The following KIAA0930 variants were observed in gnomAD, a reference collection of about 807,000 sequenced individuals.
The protein encoded by KIAA0930 is uncharacterized protein KIAA0930.
KIAA0930 carries 24 observed loss-of-function variants against 43.9 expected under a neutral mutation model. The observed-to-expected ratio is 0.55, with a 90% CI of 0.40 to 0.77. The LOEUF is 0.77. Among genes scored for constraint, KIAA0930 ranks in the 30% least tolerant of loss-of-function variants. The pLI, the probability that KIAA0930 is intolerant of heterozygous loss-of-function variation, is 0.00. For synonymous variants in KIAA0930, 259 were observed against 216.4 expected, an observed-to-expected ratio of 1.20 and a Z score of -1.73; for missense variants, 461 against 574.2, an observed-to-expected ratio of 0.80 and a Z score of 2.02.
rs1167952031 is a variant in KIAA0930, at chr22:45,192,735, T to G, written c.*4441A>C. On this transcript the variant is annotated 3_prime_UTR_variant, in exon 10 of 10. Coordinates refer to ENST00000336156, the MANE Select transcript of KIAA0930 (RefSeq NM_001009880.2). Reference sequence around the variant, plus strand: ...AACGGAATAAAAACGCCTACTCGCCTTAGGCAGGATAAGAAGTTGTAAACT... The same window carrying G: ...AACGGAATAAAAACGCCTACTCGCCGTAGGCAGGATAAGAAGTTGTAAACT... 1 of 152,232 alleles carries G rather than the reference T, an allele frequency of 6.6e-6. No homozygotes were observed. The highest frequency in any genetic ancestry group is 1.5e-5 in the Non-Finnish European group (1 of 68,052). 9.4% of individuals were successfully genotyped at this position (152,232 alleles called of 1,614,324 possible).
Position 45,205,820 on chromosome 22 carries a change from G to A in KIAA0930, c.309C>T (p.Ser103=), listed in dbSNP as rs370208155. Residue 103 remains serine (S), a synonymous_variant, in exon 3 of 10, where the codon AGC becomes AGT. Coordinates refer to ENST00000336156, the MANE Select transcript of KIAA0930 (RefSeq NM_001009880.2). ...LGDPDIDWEE[S]VCLNLILQKL... The stretch of plus-strand genomic sequence containing the variant: ...TCTGCAGGATGAGATTCAGGCAGAC[G>A]CTCTCCTCCCAGTCGATGTCAGGGT... 2.1e-5 allele frequency: 29 copies of A among 1,413,856 alleles called. No individual in the cohort carries two copies. Among genetic ancestry groups the A allele is most frequent in the Admixed American group, 1.2e-4 (6 of 51,200 alleles). 87.6% of individuals were successfully genotyped at this position (1,413,856 alleles called of 1,614,324 possible). A position where few individuals can be genotyped will look rare whatever the true frequency, so the allele number is the denominator to read the frequency against.
In KIAA0930 at chr22:45,195,264, T is replaced by G. The variant is rs1266156689; in HGVS notation, c.*1912A>C. 6.6e-6 allele frequency: 1 copy of G among 152,222 alleles called. No individual in the cohort carries two copies. Among genetic ancestry groups the G allele is most frequent in the Non-Finnish European group, 1.5e-5 (1 of 68,034 alleles). The allele number at this position is 152,222 out of a possible 1,614,324, so 9.4% of individuals were successfully genotyped here. A position where few individuals can be genotyped will look rare whatever the true frequency, so the allele number is the denominator to read the frequency against. ...ACAACCTTCTCCCGCCCCTCACCTCTGAGAACAGAGGGCGGGCCGCTGTGC... is the reference window on the plus strand; with the variant it reads ...ACAACCTTCTCCCGCCCCTCACCTCGGAGAACAGAGGGCGGGCCGCTGTGC... On this transcript the variant is annotated 3_prime_UTR_variant, in exon 10 of 10. Transcript: ENST00000336156.
In KIAA0930 at chr22:45,193,451, C is replaced by G. The variant is rs773809790; in HGVS notation, c.*3725G>C. 3.3e-5 allele frequency: 5 copies of G among 152,044 alleles called. No individual in the cohort carries two copies. Among genetic ancestry groups the G allele is most frequent in the Non-Finnish European group, 7.4e-5 (5 of 68,016 alleles). The allele number at this position is 152,044 out of a possible 1,614,324, so 9.4% of individuals were successfully genotyped here. A position where few individuals can be genotyped will look rare whatever the true frequency, so the allele number is the denominator to read the frequency against. Reference sequence around the variant, plus strand: ...TGAAAAAAAAAAGTTTTACTTTGTTCTTCAAAAGTCTTCTACTAACTAGTC... The same window carrying G: ...TGAAAAAAAAAAGTTTTACTTTGTTGTTCAAAAGTCTTCTACTAACTAGTC... On this transcript the variant is annotated 3_prime_UTR_variant, in exon 10 of 10. Transcript: ENST00000336156.
chr22:45,223,697 C>G (rs116909693), intron 1 of KIAA0930, among the ~76,000 whole-genome samples: 1,821 of 150,792 alleles, frequency 0.012, 46 homozygotes, highest in South Asian at 0.082. Context: ...CCAGGGTCAG[C>G]ACTAAGCTAG....
intron 1 of KIAA0930, among the ~76,000 whole-genome samples, chr22:45,239,394 C>A (rs2147771154): frequency 6.6e-6 from 1 of 152,330 alleles, no homozygotes; most frequent in African/African-American, 2.4e-5. Flanking sequence ...ACCATTGAAA[C>A]CTTGTCAACC....
chr22:45,226,382 T>A (rs1203946835), intron 1 of KIAA0930: 1 of 468,902 alleles, frequency 2.1e-6, no homozygotes, highest in African/African-American at 2.0e-5. Flanking sequence ...CTGCATGAGG[T>A]CCTAGGGGAC....
chr22:45,202,137 G>A lies in KIAA0930; in HGVS notation c.852+853C>T, dbSNP rs190580209. Among the ~76,000 whole-genome samples, 53 of 152,360 alleles carry A rather than the reference G, an allele frequency of 3.5e-4. 1 individual carries two copies. In the East Asian group the frequency reaches 9.1e-3, roughly 26 times the overall value. On this transcript the variant is annotated intron_variant, in intron 7 of 9. Transcript: ENST00000336156. ...GTGGCGTCTCTCCTGGACAATGGCT[G>A]GGCAAGACTGCCCCTGGACCTGTGC... is the stretch of plus-strand genomic sequence containing the variant.
At chr22:45,225,147 A>G (rs971228230) in intron 1 of KIAA0930, among the ~76,000 whole-genome samples, 1 of 152,106 alleles carries the variant, frequency 6.6e-6, no homozygotes, top group Non-Finnish European at 1.5e-5. Context: ...GCACCCAGGC[A>G]GCCAGGGCTG....
At position 45,215,472 on chromosome 22, in the gene KIAA0930, CGT is replaced by C. The variant is rs775314090; in HGVS notation, c.65-3367_65-3366del. Among the ~76,000 whole-genome samples, 28 of 152,254 alleles carry C rather than the reference CGT, an allele frequency of 1.8e-4. No individual in the cohort carries two copies. In the Middle Eastern group the frequency reaches 0.014, roughly 74 times the overall value. On this transcript the variant is annotated intron_variant, in intron 1 of 9. Coordinates refer to ENST00000336156, the MANE Select transcript of KIAA0930 (RefSeq NM_001009880.2). Reference sequence around the variant, plus strand: ...AAAGGCCTTCTGCACAAAAACATTTCGTGTGTTACTCATGAGAAAAAATAATA... The same window carrying C: ...AAAGGCCTTCTGCACAAAAACATTTCGTGTTACTCATGAGAAAAAATAATA...
chr22:45,211,315 G>A, intron 2 of KIAA0930: 1 of 398,596 alleles, frequency 2.5e-6, no homozygotes, highest in Non-Finnish European at 4.4e-6. Context: ...GCAAAAGCTT[G>A]TGAAAAACAG....
At chr22:45,238,249 T>C (rs940815409) in intron 1 of KIAA0930, among the ~76,000 whole-genome samples, 4 of 152,170 alleles carry the variant, frequency 2.6e-5, no homozygotes, top group Non-Finnish European at 5.9e-5. Context: ...TCTAAGAAGC[T>C]AAGATTCCCA....
chr22:45,214,205 C>T (rs900670225), intron 1 of KIAA0930, among the ~76,000 whole-genome samples: 2 of 152,074 alleles, frequency 1.3e-5, no homozygotes, highest in Non-Finnish European at 2.9e-5. Context: ...CAAAACAGCC[C>T]TTAAGAAAAC....
At chr22:45,200,549 C>T (rs1214430479) in intron 7 of KIAA0930, among the ~76,000 whole-genome samples, 1 of 152,224 alleles carries the variant, frequency 6.6e-6, no homozygotes, top group African/African-American at 2.4e-5. Context: ...CCACGCTCCT[C>T]ATCCTACTTC....
intron 1 of KIAA0930, among the ~76,000 whole-genome samples, chr22:45,228,779 C>G (rs1209822397): frequency 1.2e-5 from 1 of 84,524 alleles, no homozygotes; most frequent in African/African-American, 6.2e-5. Context: ...CCCCATCCCC[C>G]CCAACCACCA....
chr22:45,203,207 C>T (rs761743686), intron 6 of KIAA0930, 23 bp from the exon 7 acceptor site: 3 of 1,569,348 alleles, frequency 1.9e-6, no homozygotes, highest in Non-Finnish European at 2.6e-6. Context: ...GCGGGGCAGC[C>T]TGAGTCAGGG....
At chr22:45,211,803 A>T (rs1460751199) in intron 2 of KIAA0930, among the ~76,000 whole-genome samples, 153 bp downstream of exon 2, 1 of 152,170 alleles carries the variant, frequency 6.6e-6, no homozygotes, top group Non-Finnish European at 1.5e-5. Context: ...GACTGTCTAC[A>T]CAGTTCCTGG....
chr22:45,214,864 G>A (rs1363609549), intron 1 of KIAA0930, among the ~76,000 whole-genome samples: 1 of 152,132 alleles, frequency 6.6e-6, no homozygotes, highest in African/African-American at 2.4e-5. Context: ...AGCTATGATC[G>A]AACCACTGCA....
Position 45,203,063 on chromosome 22 carries a change from C to T in KIAA0930, c.779G>A (p.Arg260Gln), listed in dbSNP as rs756151601. ...GGGGGATGTGTCACCTGTAGACACT[C>T]GGCTGACCGCCATCTCGGCGTGGCC... ...GKGHAEMAVS[R>Q]VSTGDTSPCG... The change falls in exon 7 of 10, where the codon CGA becomes CAA. Residue 260 changes from arginine (R) to glutamine (Q), a missense_variant. By Grantham distance (43) the Arg-to-Gln change is conservative. Coordinates refer to ENST00000336156, the MANE Select transcript of KIAA0930 (RefSeq NM_001009880.2). 27 of 1,613,676 alleles carry T rather than the reference C, an allele frequency of 1.7e-5. No homozygotes were observed. The highest frequency in any genetic ancestry group is 7.7e-5 in the South Asian group (7 of 91,044).
chr22:45,198,230 G>A (rs1229416961), intron 8 of KIAA0930, among the ~76,000 whole-genome samples: 1 of 152,210 alleles, frequency 6.6e-6, no homozygotes, highest in Non-Finnish European at 1.5e-5. Context: ...TCTCCTCCGG[G>A]GGTTCTGGCA....
Sources: allele counts gnomAD v4.1 joint callset (sites outside exome capture counted in the v4.1 genomes callset), GRCh38; gene constraint gnomAD v4.1.1; transcripts MANE v1.5; gene names NCBI Gene and HGNC (gene_info 2026-07-23, HGNC 2026-07-21).